SSUH2: variants seen among roughly 807,000 people sequenced by gnomAD.
The protein encoded by SSUH2 is protein SSUH2 homolog.
A neutral mutation model predicts 55.3 loss-of-function variants in SSUH2; 47 were observed. The ratio of observed to expected loss-of-function variants is 0.85; its 90% confidence interval spans 0.67 to 1.08. The LOEUF (loss-of-function observed/expected upper bound fraction) is 1.08, where lower values mean the gene tolerates loss of function less well. SSUH2 is among the 50% of genes least tolerant of loss of function. SSUH2 has a pLI of 0.00. For synonymous variants in SSUH2, 212 were observed against 191.5 expected (o/e 1.11, Z -0.89); for missense variants, 535 against 490.7 (o/e 1.09, Z -0.85).
intron 7 of SSUH2, among the ~76,000 whole-genome samples, chr3:8,657,691 TC>T (rs1332475853): frequency 3.3e-5 from 5 of 152,014 alleles, no homozygotes; most frequent in African/African-American, 7.3e-5. Context: ...TTCTACCACA[TC>T]CTACCAAGAG....
intron 3 of SSUH2, among the ~76,000 whole-genome samples, chr3:8,672,264 T>G (rs72624407): frequency 0.033 from 4,946 of 151,966 alleles, 181 homozygotes; most frequent in East Asian, 0.18. Context: ...CTCCCCCTTG[T>G]AATATTAAGG....
At chr3:8,632,357 C>T (rs578054918) in intron 4 of SSUH2, among the ~76,000 whole-genome samples, 62 of 152,310 alleles carry the variant, frequency 4.1e-4, no homozygotes, top group African/African-American at 1.4e-3. Context: ...AATTCAGTTC[C>T]CCATGAATTT....
At position 8,623,562 on chromosome 3, in the gene SSUH2, C is replaced by T. The variant is rs761174303; in HGVS notation, c.968G>A (p.Arg323His). 9.2e-5 allele frequency: 142 copies of T among 1,548,928 alleles called. 1 individual carries two copies. The South Asian group carries it at 9.8e-4, about 11-fold the overall frequency. ...EHSAALASRA[R>H]VLQQRQTIEL... ...GCCCTGGCTCACCTGCTGCAGGACG[C>T]GGGCACGGGAGGCCAAGGCAGCGCT... Residue 323 changes from arginine (R) to histidine (H), a missense_variant, in exon 11 of 12, where the codon CGC becomes CAC. Physicochemically the swap from Arg to His is conservative, Grantham distance 29 (BLOSUM62 0). Coordinates refer to ENST00000544814, the MANE Select transcript of SSUH2 (RefSeq NM_001256748.3).
At chr3:8,624,999 A>T (rs1166565427) in intron 10 of SSUH2, among the ~76,000 whole-genome samples, 3 of 152,046 alleles carry the variant, frequency 2.0e-5, no homozygotes, top group Non-Finnish European at 4.4e-5. Context: ...CTCCAGCTGG[A>T]ACGACACTGC....
In SSUH2 at chr3:8,623,585, G is replaced by C. The variant is rs372445621; in HGVS notation, c.945C>G (p.Ser315Arg). 2 of 1,550,850 alleles carry C rather than the reference G, an allele frequency of 1.3e-6. No individual in the cohort carries two copies. Among genetic ancestry groups the C allele is most frequent in the Non-Finnish European group, 1.7e-6 (2 of 1,146,408 alleles). The part of the protein sequence containing the change: ...LASQRGIAEH[S>R]AALASRARVL... The stretch of plus-strand genomic sequence containing the variant: ...CGCGGGCACGGGAGGCCAAGGCAGC[G>C]CTGTGCTCTGCAATGCCCCTCTGGG... Residue 315 changes from serine to arginine, a missense_variant, in exon 11 of 12, where the codon AGC becomes AGG. Transcript: ENST00000544814.
At chr3:8,679,267 TTA>T (rs1705763578) in intron 2 of SSUH2, among the ~76,000 whole-genome samples, 1 of 105,714 alleles carries the variant, frequency 9.5e-6, no homozygotes, top group African/African-American at 3.5e-5. Context: ...CCCCTGGCTT[TTA>T]GGACCCCCAT....
chr3:8,661,785 G>A (rs1703515796), intron 6 of SSUH2, among the ~76,000 whole-genome samples: 1 of 152,200 alleles, frequency 6.6e-6, no homozygotes, highest in South Asian at 2.1e-4. Context: ...TACCGATATG[G>A]TTTGGCTGTG....
chr3:8,646,574 A>T (rs999478697), upstream of SSUH2, among the ~76,000 whole-genome samples: 2 of 152,234 alleles, frequency 1.3e-5, no homozygotes, highest in East Asian at 3.8e-4. Context: ...GTAAGTTAAT[A>T]AAAAGCTCTT....
rs1326318791 is a variant in SSUH2, at chr3:8,679,077, G to C, written c.-901+628C>G. On this transcript the variant is annotated intron_variant, in intron 2 of 18. Coordinates refer to the SSUH2 transcript ENST00000317371. Reference sequence around the variant, plus strand: ...GGAGGAAGCACCCCCCGCGAGGCGGGGACTGAGAGCAAGCACCTCTTTCCC... The same window carrying C: ...GGAGGAAGCACCCCCCGCGAGGCGGCGACTGAGAGCAAGCACCTCTTTCCC... Among the ~76,000 whole-genome samples, 3 of 108,984 alleles carry C rather than the reference G, an allele frequency of 2.8e-5. 1 individual carries two copies. The highest frequency in any genetic ancestry group is 9.3e-5 in the African/African-American group (3 of 32,138). The allele number at this position is 108,984 out of a possible 152,430, so 71.5% of individuals were successfully genotyped here. A position where few individuals can be genotyped will look rare whatever the true frequency, so the allele number is the denominator to read the frequency against.
At chr3:8,664,081 A>T (rs1488413582) in intron 5 of SSUH2, among the ~76,000 whole-genome samples, 4 of 152,222 alleles carry the variant, frequency 2.6e-5, no homozygotes, top group Non-Finnish European at 5.9e-5. Context: ...AAGTCCTCTT[A>T]GCAGGTCCTG....
Position 8,656,912 on chromosome 3 carries a change from ACT to A in SSUH2, c.-307+2011_-307+2012del, listed in dbSNP as rs144004468. ...GTTTGTTTGAGACAGAGTCTCACTT[ACT>A]CTGTCACCCAGGCTGGAGTGCAGTA... On this transcript the variant is annotated intron_variant, in intron 7 of 18. Transcript: ENST00000317371. Among the ~76,000 whole-genome samples, 1,172 of 151,846 alleles carry A rather than the reference ACT, an allele frequency of 7.7e-3. 13 individuals carry two copies. The highest frequency in any genetic ancestry group is 0.048 in the Middle Eastern group (14 of 294).
At chr3:8,647,010 T>C (rs1268982700), upstream of SSUH2, among the ~76,000 whole-genome samples, 1 of 152,226 alleles carries the variant, frequency 6.6e-6, no homozygotes, top group Admixed American at 6.5e-5. Context: ...GATTGCTGTC[T>C]AAGAACCTTG....
At position 8,619,940 on chromosome 3, in the gene SSUH2, G is replaced by A; in HGVS notation, c.1056C>T (p.Ile352=). Residue 352 remains isoleucine, a synonymous_variant, in exon 12 of 12, where the codon ATC becomes ATT. Transcript: ENST00000544814. ...WYQGKTYVYY[I]YGTDHQVYAV... ...CATACACCTGGTGGTCAGTGCCATA[G>A]ATGTAGTAGACATAAGTCTTTCCTT... The A allele has an allele frequency of 1.2e-6, 2 of 1,614,176 alleles. No homozygotes were observed. The highest frequency in any genetic ancestry group is 1.7e-6 in the Non-Finnish European group (2 of 1,180,006).
chr3:8,668,518 C>G (rs1704207137), intron 5 of SSUH2, among the ~76,000 whole-genome samples: 2 of 152,158 alleles, frequency 1.3e-5, no homozygotes, highest in African/African-American at 4.8e-5. Context: ...AATCTCATTA[C>G]TTCAAAGAAT....
In SSUH2 at chr3:8,626,222, CA is replaced by C. The variant is rs760046603; in HGVS notation, c.767+6del. 13 of 1,612,632 alleles carry C rather than the reference CA, an allele frequency of 8.1e-6. No homozygotes were observed. In the East Asian group the frequency reaches 1.6e-4, roughly 19 times the overall value. On this transcript the variant is annotated splice_donor_region_variant and intron_variant, in intron 9 of 11. Coordinates refer to ENST00000544814, the MANE Select transcript of SSUH2 (RefSeq NM_001256748.3). ...GCATGCCACAGCATTGAGACACTGCCACATACCACATGATGACAAGCTGGAT... is the reference window on the plus strand; with the variant it reads ...GCATGCCACAGCATTGAGACACTGCCCATACCACATGATGACAAGCTGGAT...
chr3:8,641,603 C>T (rs982619821), intron 1 of SSUH2, among the ~76,000 whole-genome samples: 1 of 152,224 alleles, frequency 6.6e-6, no homozygotes, highest in Non-Finnish European at 1.5e-5. Context: ...ACCGGAACCA[C>T]TATCCCCCTC....
At position 8,631,488 on chromosome 3, in the gene SSUH2, C is replaced by G. The variant is rs185977359; in HGVS notation, c.401-559G>C. 5.5e-4 allele frequency among the ~76,000 whole-genome samples: 84 copies of G among 152,190 alleles called. 1 individual carries two copies. Among genetic ancestry groups the G allele is most frequent in the African/African-American group, 1.9e-3 (80 of 41,540 alleles). ...GGCTCTGAAAACTCAGAAGACTGGC[C>G]CATCCTGCTGGGAGGGGAGCAGCAG... is the stretch of plus-strand genomic sequence containing the variant. On this transcript the variant is annotated intron_variant, in intron 5 of 11. Transcript: ENST00000544814.
At chr3:8,681,087 G>C (rs1428743871) in intron 1 of SSUH2, among the ~76,000 whole-genome samples, 1 of 101,624 alleles carries the variant, frequency 9.8e-6, no homozygotes, top group Non-Finnish European at 2.4e-5. Flanking sequence ...ATAGCAGGGG[G>C]GAGAGGCACC....
At chr3:8,637,497 A>T (rs1700119496) in intron 1 of SSUH2, among the ~76,000 whole-genome samples, 1 of 152,034 alleles carries the variant, frequency 6.6e-6, no homozygotes, top group Admixed American at 6.6e-5. Context: ...AGCACTTCTG[A>T]CCCCACTTGA....
Sources: gnomAD v4.1 joint callset for allele counts (sites outside exome capture counted in the v4.1 genomes callset) on GRCh38, gnomAD v4.1.1 for gene constraint, MANE v1.5 for transcripts, NCBI Gene and HGNC (gene_info 2026-07-23, HGNC 2026-07-21) for gene names.